NUDCD3: variants seen among roughly 807,000 people sequenced by gnomAD.
NUDCD3 encodes NudC domain containing 3, also known as nudC domain-containing protein 3.
A neutral mutation model predicts 39.7 loss-of-function variants in NUDCD3; 13 were observed. That is an observed-to-expected ratio of 0.33 (90% confidence interval 0.21 to 0.52). The LOEUF is 0.52. Ranked by LOEUF, NUDCD3 falls within the 20% of genes least tolerant of loss-of-function variation. NUDCD3 has a pLI of 0.96. For missense variants in NUDCD3, 453 were observed against 458.1 expected, an observed-to-expected ratio of 0.99 and a Z score of 0.10; for synonymous variants, 175 against 172.4, an observed-to-expected ratio of 1.02 and a Z score of -0.12.
At chr7:44,454,968 C>T (rs1010263155) in intron 2 of NUDCD3, among the ~76,000 whole-genome samples, 3 of 151,776 alleles carry the variant, frequency 2.0e-5, no homozygotes, top group African/African-American at 7.3e-5. Flanking sequence ...CACACACACA[C>T]CCTTTCTTTT....
Position 44,485,261 on chromosome 7 carries a change from C to A in NUDCD3, c.216G>T (p.Met72Ile). 1.2e-6 allele frequency: 2 copies of A among 1,613,008 alleles called. No homozygotes were observed. Among genetic ancestry groups the A allele is most frequent in the African/African-American group, 1.3e-5 (1 of 74,932 alleles). ...VLQVFKTFDH[M>I]ARQDDEKRRQ... Reference sequence around the variant, plus strand: ...TTCTCTTCTCATCATCCTGACGGGCCATGTGGTCAAAGGTTTTGAATACCT... The same window carrying A: ...TTCTCTTCTCATCATCCTGACGGGCAATGTGGTCAAAGGTTTTGAATACCT... The change falls in exon 2 of 6, where the codon ATG becomes ATT. Residue 72 changes from methionine (M) to isoleucine (I), a missense_variant. Met to Ile is a conservative substitution (Grantham distance 10). Coordinates refer to ENST00000355451, the MANE Select transcript of NUDCD3 (RefSeq NM_015332.4).
At chr7:44,489,763 G>GT (rs1015790512) in intron 1 of NUDCD3, 2 of 151,936 alleles carry the variant, frequency 1.3e-5, no homozygotes, top group African/African-American at 4.8e-5. Flanking sequence ...TTAAACACCC[G>GT]TATCACCCTC....
At chr7:44,485,307 C>A in intron 1 of NUDCD3, 23 bp from the exon 2 acceptor site, 1 of 1,569,822 alleles carries the variant, frequency 6.4e-7, no homozygotes. Flanking sequence ...ACCAATCCAG[C>A]AATCAGTTCA....
chr7:44,426,657 G>A (rs977428714), intron 3 of NUDCD3, among the ~76,000 whole-genome samples: 2 of 151,344 alleles, frequency 1.3e-5, no homozygotes, highest in Non-Finnish European at 3.0e-5. Flanking sequence ...TTAGCCGGGC[G>A]TAGTGGCGGG....
intron 2 of NUDCD3, among the ~76,000 whole-genome samples, chr7:44,436,645 C>A (rs1799470280): frequency 1.3e-5 from 2 of 152,160 alleles, no homozygotes; most frequent in African/African-American, 2.4e-5. Context: ...CTCAATATAG[C>A]TTTAACTCAC....
At chr7:44,481,688 C>T (rs1191643554) in intron 2 of NUDCD3, among the ~76,000 whole-genome samples, 1 of 152,134 alleles carries the variant, frequency 6.6e-6, no homozygotes, top group Non-Finnish European at 1.5e-5. Flanking sequence ...CAGCATTCTT[C>T]CAAAATTTTG....
chr7:44,473,778 T>C (rs959404457), intron 2 of NUDCD3, among the ~76,000 whole-genome samples: 5 of 152,144 alleles, frequency 3.3e-5, no homozygotes, highest in African/African-American at 1.2e-4. Flanking sequence ...CTAAACCACA[T>C]GTGGGTAATA....
At chr7:44,469,498 G>A (rs1231247314) in intron 2 of NUDCD3, among the ~76,000 whole-genome samples, 1 of 152,194 alleles carries the variant, frequency 6.6e-6, no homozygotes, top group East Asian at 1.9e-4. Flanking sequence ...TTTCAGGCAA[G>A]AATAATCAGT....
chr7:44,440,070 G>A (rs1799546352), intron 2 of NUDCD3, among the ~76,000 whole-genome samples: 1 of 152,344 alleles, frequency 6.6e-6, no homozygotes, highest in Admixed American at 6.5e-5. Context: ...GCCCTTCAGT[G>A]GGGCTGGACT....
chr7:44,406,414 A>G (rs978558196), intron 3 of NUDCD3, among the ~76,000 whole-genome samples: 1 of 152,106 alleles, frequency 6.6e-6, no homozygotes, highest in African/African-American at 2.4e-5. Flanking sequence ...AGATCCACTC[A>G]CTCCTGAAAT....
At position 44,401,416 on chromosome 7, in the gene NUDCD3, T is replaced by C. The variant is rs77546700; in HGVS notation, c.786+3024A>G. 7.2e-3 allele frequency among the ~76,000 whole-genome samples: 1,101 copies of C among 152,362 alleles called. 6 individuals carry two copies. The highest frequency in any genetic ancestry group is 0.012 in the Non-Finnish European group (789 of 68,036). On this transcript the variant is annotated intron_variant, in intron 4 of 5. Coordinates refer to ENST00000355451, the MANE Select transcript of NUDCD3 (RefSeq NM_015332.4). Reference sequence around the variant, plus strand: ...TGTAAACAGCAAAGTTTCTGTGATATACTCTGTGTTTACTGCAGTAGAGGC... The same window carrying C: ...TGTAAACAGCAAAGTTTCTGTGATACACTCTGTGTTTACTGCAGTAGAGGC...
chr7:44,439,138 A>AAGGAC, intron 2 of NUDCD3, among the ~76,000 whole-genome samples: 1 of 152,262 alleles, frequency 6.6e-6, no homozygotes, highest in South Asian at 2.1e-4. Flanking sequence ...TGGGGGAAAG[A>AAGGAC]AGGACATACC....
At position 44,490,477 on chromosome 7, in the gene NUDCD3, G is replaced by A; in HGVS notation, c.124C>T (p.Arg42Cys). Reference sequence around the variant, plus strand: ...CGGTCCGATGGGTGGCGCAGCAAGCGATAGAAGTCTGTCTTGCGGTAGAGG... The same window carrying A: ...CGGTCCGATGGGTGGCGCAGCAAGCAATAGAAGTCTGTCTTGCGGTAGAGG... Reference protein sequence around the residue: ...GFLYRKTDFYRLLRHPSDRMG... With the variant: ...GFLYRKTDFYCLLRHPSDRMG... Residue 42 changes from arginine (R) to cysteine (C), a missense_variant, in exon 1 of 6, where the codon CGC becomes TGC. Transcript: ENST00000355451. The A allele has an allele frequency of 1.9e-6, 3 of 1,606,666 alleles. No individual in the cohort carries two copies. Among genetic ancestry groups the A allele is most frequent in the Admixed American group, 1.7e-5 (1 of 59,218 alleles).
At chr7:44,419,417 T>TA (rs1799094211) in intron 3 of NUDCD3, among the ~76,000 whole-genome samples, 1 of 152,168 alleles carries the variant, frequency 6.6e-6, no homozygotes, top group Non-Finnish European at 1.5e-5. Context: ...TCAGCAGACT[T>TA]AAACATTCTT....
intron 2 of NUDCD3, among the ~76,000 whole-genome samples, chr7:44,442,870 TTC>T (rs1242523905): frequency 6.6e-6 from 1 of 151,634 alleles, no homozygotes; most frequent in East Asian, 1.9e-4. Context: ...TAAATTTTTT[TTC>T]TTTCTATTTT....
chr7:44,449,908 T>C (rs1049111883), intron 2 of NUDCD3, among the ~76,000 whole-genome samples: 7 of 148,024 alleles, frequency 4.7e-5, no homozygotes, highest in African/African-American at 1.7e-4. Flanking sequence ...GAACTTCTGC[T>C]ACTCAAAATG....
chr7:44,439,885 T>C (rs1195844057), intron 2 of NUDCD3, among the ~76,000 whole-genome samples: 2 of 148,452 alleles, frequency 1.3e-5, no homozygotes, highest in Middle Eastern at 3.4e-3. Context: ...GAGCCACTGA[T>C]GATGCTAACT....
intron 2 of NUDCD3, among the ~76,000 whole-genome samples, chr7:44,437,234 T>G (rs938305047): frequency 6.6e-6 from 1 of 151,584 alleles, no homozygotes; most frequent in African/African-American, 2.4e-5. Flanking sequence ...CACACCTGGC[T>G]AATTTTTGTA....
At chr7:44,468,120 G>A (rs549739690) in intron 2 of NUDCD3, 13 of 1,607,862 alleles carry the variant, frequency 8.1e-6, no homozygotes, top group Admixed American at 3.3e-5. Context: ...AGTGGCTTCC[G>A]GAAGTTCCTG....
Sources: allele counts gnomAD v4.1 joint callset (sites outside exome capture counted in the v4.1 genomes callset), GRCh38; gene constraint gnomAD v4.1.1; transcripts MANE v1.5; gene names NCBI Gene and HGNC (gene_info 2026-07-23, HGNC 2026-07-21).